EPHA6: variants seen among roughly 807,000 people sequenced by gnomAD.
EPHA6 encodes EPH receptor A6, also known as ephrin type-A receptor 6.
EPHA6 carries 50 observed loss-of-function variants against 112.0 expected under a neutral mutation model. That is an observed-to-expected ratio of 0.45 (90% confidence interval 0.36 to 0.56). EPHA6 has a LOEUF of 0.56. Among genes scored for constraint, EPHA6 ranks in the 20% least tolerant of loss-of-function variants. EPHA6 has a pLI of 0.00. For synonymous variants in EPHA6, 529 were observed against 490.7 expected (o/e 1.08, Z -1.03); for missense variants, 1,280 against 1,417.4 (o/e 0.90, Z 1.56).
At chr3:97,066,683 C>T (rs1458756042) in intron 3 of EPHA6, among the ~76,000 whole-genome samples, 1 of 152,140 alleles carries the variant, frequency 6.6e-6, no homozygotes, top group Non-Finnish European at 1.5e-5. Flanking sequence ...GTCTTCTCAG[C>T]ACAGTAAACA....
At chr3:97,668,942 A>AAAAAAAAAAC (rs1489495432) in intron 14 of EPHA6, among the ~76,000 whole-genome samples, 1 of 149,324 alleles carries the variant, frequency 6.7e-6, no homozygotes, top group Non-Finnish European at 1.5e-5. Flanking sequence ...AAAAAAAAAA[A>AAAAAAAAAAC]AATCCACTAA....
At chr3:96,940,193 C>A (rs1011496137) in intron 2 of EPHA6, among the ~76,000 whole-genome samples, 1 of 152,118 alleles carries the variant, frequency 6.6e-6, no homozygotes, top group African/African-American at 2.4e-5. Context: ...CTAATGTTGA[C>A]AGTGTGGTGT....
intron 5 of EPHA6, among the ~76,000 whole-genome samples, chr3:97,272,479 G>A (rs1328373892): frequency 6.6e-6 from 1 of 152,164 alleles, no homozygotes; most frequent in East Asian, 1.9e-4. Flanking sequence ...GCGTCCGTGT[G>A]AAGAGACCAC....
At chr3:97,707,807 A>G (rs1456938798) in intron 14 of EPHA6, among the ~76,000 whole-genome samples, 2 of 152,116 alleles carry the variant, frequency 1.3e-5, no homozygotes, top group Non-Finnish European at 2.9e-5. Flanking sequence ...GTGAGTTCTC[A>G]TGAGATCTGA....
intron 1 of EPHA6, among the ~76,000 whole-genome samples, chr3:96,865,013 T>C (rs1412033777): frequency 6.6e-6 from 1 of 152,096 alleles, no homozygotes; most frequent in African/African-American, 2.4e-5. Flanking sequence ...GGTAAAAATG[T>C]ATACAAGAAA....
At chr3:96,891,062 G>C (rs1019732610) in intron 2 of EPHA6, among the ~76,000 whole-genome samples, 1 of 152,182 alleles carries the variant, frequency 6.6e-6, no homozygotes, top group East Asian at 1.9e-4. Context: ...TCCAGCCTGG[G>C]TGACAGAGTG....
chr3:97,133,980 A>C (rs191822151), intron 3 of EPHA6, among the ~76,000 whole-genome samples: 1 of 152,176 alleles, frequency 6.6e-6, no homozygotes. Flanking sequence ...GATTTTAGAA[A>C]AGTAAACATA....
At chr3:97,492,974 C>CTT (rs373733285) in intron 10 of EPHA6, among the ~76,000 whole-genome samples, 44 of 130,912 alleles carry the variant, frequency 3.4e-4, no homozygotes, top group African/African-American at 9.9e-4. Context: ...TAAGCTTTTC[C>CTT]TTTTTTTTTT....
intron 14 of EPHA6, among the ~76,000 whole-genome samples, chr3:97,664,546 T>C (rs1023890481): frequency 2.0e-5 from 3 of 152,158 alleles, no homozygotes; most frequent in South Asian, 2.1e-4. Flanking sequence ...TGTTTGCAGA[T>C]GACATGATTG....
At chr3:97,501,650 C>A (rs2092119978) in intron 10 of EPHA6, among the ~76,000 whole-genome samples, 1 of 151,678 alleles carries the variant, frequency 6.6e-6, no homozygotes, top group South Asian at 2.1e-4. Context: ...GTGAAAAAAA[C>A]TACATCTTAA....
At chr3:97,578,573 C>G (rs906968973) in intron 11 of EPHA6, among the ~76,000 whole-genome samples, 1 of 152,178 alleles carries the variant, frequency 6.6e-6, no homozygotes, top group African/African-American at 2.4e-5. Flanking sequence ...CACTGTCAGT[C>G]TCTGCCACCA....
At chr3:97,421,718 G>C (rs1467169658) in intron 6 of EPHA6, among the ~76,000 whole-genome samples, 1 of 152,120 alleles carries the variant, frequency 6.6e-6, no homozygotes, top group African/African-American at 2.4e-5. Context: ...TGCCTTGGCA[G>C]ATACTTTAGA....
intron 3 of EPHA6, among the ~76,000 whole-genome samples, chr3:97,190,669 A>G (rs961842721): frequency 6.6e-6 from 1 of 152,068 alleles, no homozygotes; most frequent in Non-Finnish European, 1.5e-5. Context: ...AGATTGTGGA[A>G]TGACTGAATA....
intron 5 of EPHA6, among the ~76,000 whole-genome samples, chr3:97,401,054 T>G (rs2086963123): frequency 6.6e-6 from 1 of 151,856 alleles, no homozygotes; most frequent in Non-Finnish European, 1.5e-5. Flanking sequence ...GGCTGTGTGT[T>G]TGTCACATAT....
chr3:97,230,288 G>A (rs1401463281), intron 4 of EPHA6, among the ~76,000 whole-genome samples: 1 of 152,094 alleles, frequency 6.6e-6, no homozygotes, highest in East Asian at 1.9e-4. Flanking sequence ...GAGTTATTCA[G>A]CATGACAAAC....
rs564190476 is a variant in EPHA6, at chr3:97,651,178, A to G, written c.2784+13096A>G. Among the ~76,000 whole-genome samples, 31 of 152,242 alleles carry G rather than the reference A, an allele frequency of 2.0e-4. 1 individual carries two copies. Among genetic ancestry groups the G allele is most frequent in the Admixed American group, 2.0e-3 (30 of 15,270 alleles). Reference sequence around the variant, plus strand: ...TAGAAAGAAAGTGATTGAAATTATAAGAACATTGTCTTTAGTACAATTACA... The same window carrying G: ...TAGAAAGAAAGTGATTGAAATTATAGGAACATTGTCTTTAGTACAATTACA... On this transcript the variant is annotated intron_variant, in intron 14 of 17. Transcript: ENST00000389672.
intron 2 of EPHA6, among the ~76,000 whole-genome samples, chr3:96,912,073 G>GA (rs1428473181): frequency 6.6e-6 from 1 of 151,960 alleles, no homozygotes; most frequent in Non-Finnish European, 1.5e-5. Flanking sequence ...CACGTAAAGA[G>GA]AAAAAAGACA....
At chr3:97,667,321 T>C (rs1308263001) in intron 14 of EPHA6, among the ~76,000 whole-genome samples, 1 of 152,234 alleles carries the variant, frequency 6.6e-6, no homozygotes, top group African/African-American at 2.4e-5. Flanking sequence ...AGTGACTGAA[T>C]ACCCAGATTA....
intron 13 of EPHA6, among the ~76,000 whole-genome samples, chr3:97,625,381 T>C (rs986757657): frequency 4.0e-5 from 6 of 151,828 alleles, no homozygotes; most frequent in African/African-American, 1.2e-4. Context: ...CTTCTTACTT[T>C]ATCTGTTGTA....
Sources: allele counts gnomAD v4.1 joint callset (sites outside exome capture counted in the v4.1 genomes callset), GRCh38; gene constraint gnomAD v4.1.1; transcripts MANE v1.5; gene names NCBI Gene and HGNC (gene_info 2026-07-23, HGNC 2026-07-21).